ACE: variants seen among roughly 807,000 people sequenced by gnomAD.
ACE encodes the protein angiotensin-converting enzyme.
Under a neutral mutation model 162.3 loss-of-function variants are expected in ACE, and 122 were observed. The observed-to-expected ratio is 0.75, with a 90% CI of 0.65 to 0.87. ACE has a LOEUF of 0.87. ACE is among the 40% of genes least tolerant of loss of function. The pLI, the probability that ACE is intolerant of heterozygous loss-of-function variation, is 0.00. For synonymous variants in ACE, 796 were observed against 720.6 expected, an observed-to-expected ratio of 1.10 and a Z score of -1.68; for missense variants, 1,799 against 1,735.1, an observed-to-expected ratio of 1.04 and a Z score of -0.65.
chr17:63,488,545 T>C (rs2030133280), intron 15 of ACE, 103 bp from the exon 16 acceptor site: 1 of 1,279,792 alleles, frequency 7.8e-7, no homozygotes, highest in African/African-American at 1.5e-5. Context: ...GTCACTTTTA[T>C]GTGGTTTCGC....
rs565463716 is a variant in ACE, at chr17:63,488,706, G to A, written c.2364G>A (p.Glu788=). The A allele has an allele frequency of 4.3e-6, 7 of 1,613,616 alleles. No individual in the cohort carries two copies. In the African/African-American group the frequency reaches 5.3e-5, roughly 12 times the overall value. The change falls in exon 16 of 25, where the codon GAG becomes GAA. Residue 788 remains glutamate (E), a synonymous_variant. Coordinates refer to ENST00000290866, the MANE Select transcript of ACE (RefSeq NM_000789.4). ...RKYEDLLWAW[E]GWRDKAGRAI... is the part of the protein sequence containing the mutation. ...ATGAAGACCTGTTATGGGCATGGGA[G>A]GGCTGGCGAGACAAGGCGGGGAGAG...
intron 3 of ACE, 40 bp from the exon 4 acceptor site, chr17:63,479,729 G>A (rs760162366): frequency 1.8e-5 from 29 of 1,611,406 alleles, no homozygotes; most frequent in East Asian, 4.5e-5. Flanking sequence ...AGACTTCAAC[G>A]TGGAGGCCTC....
At chr17:63,478,601 T>C (rs2049657038) in intron 2 of ACE, 1 of 347,184 alleles carries the variant, frequency 2.9e-6, no homozygotes, top group Non-Finnish European at 5.6e-6. Flanking sequence ...AGGTCAAGGC[T>C]ACAGTGAGCT....
At position 63,482,696 on chromosome 17, in the gene ACE, G is replaced by GAT; in HGVS notation, c.1342+8_1342+9insTA. On this transcript the variant is annotated splice_region_variant and intron_variant, in intron 8 of 24. Coordinates refer to ENST00000290866, the MANE Select transcript of ACE (RefSeq NM_000789.4). ...CGTGTCACCAATGACACGGGTATGG[G>GAT]AGGGCTGAGAGGCCCCCACCCAGCC... 6.2e-7 allele frequency: 1 copy of GAT among 1,612,906 alleles called. No homozygotes were observed. Among genetic ancestry groups the GAT allele is most frequent in the Non-Finnish European group, 8.5e-7 (1 of 1,179,512 alleles).
rs1171932485 is a variant in ACE, at chr17:63,484,383, T to C, written c.1763T>C (p.Met588Thr). ...CCCTGGCAGGAGGTGCTGAAGGACA[T>C]GGTCGGCTTAGATGCCCTGGATGCC... ...SRPWQEVLKD[M>T]VGLDALDAQP... The change falls in exon 12 of 25, where the codon ATG (methionine) becomes ACG (threonine). Residue 588 changes from methionine (M) to threonine (T), a missense_variant. By Grantham distance (81) the Met-to-Thr change is moderately conservative (BLOSUM62 -1). Transcript: ENST00000290866. The surrounding 1 kb of genome is among the most constrained non-coding windows in gnomAD (Gnocchi z 4.0). 3.1e-6 allele frequency: 5 copies of C among 1,611,982 alleles called. No individual in the cohort carries two copies. Among genetic ancestry groups the C allele is most frequent in the Admixed American group, 1.7e-5 (1 of 59,984 alleles).
In ACE at chr17:63,491,643, C is replaced by T. The variant is rs552073202; in HGVS notation, c.2912+262C>T. ...TCAAGGTCCCAGTCCTGGGTTTGAG[C>T]ATGGTAGGCTGCCCCGCGTCCCTCC... On this transcript the variant is annotated intron_variant, in intron 19 of 24. Transcript: ENST00000290866. This position sits in a 1 kb window ranked among gnomAD's most constrained non-coding sequence, Gnocchi z 4.4. Among the ~76,000 whole-genome samples the T allele has an allele frequency of 6.6e-6, 1 of 152,288 alleles. No individual in the cohort carries two copies. Among genetic ancestry groups the T allele is most frequent in the African/African-American group, 2.4e-5 (1 of 41,578 alleles).
chr17:63,481,114 G>A lies in ACE; in HGVS notation c.871G>A (p.Glu291Lys), dbSNP rs1464640594. The change falls in exon 6 of 25, where the codon GAA (glutamate) becomes AAA (lysine). Residue 291 changes from glutamate (E) to lysine (K), a missense_variant. Glu to Lys is a moderately conservative substitution (Grantham distance 56). Coordinates refer to ENST00000290866, the MANE Select transcript of ACE (RefSeq NM_000789.4). ...AGGAGACATGTGGGCCCAGAGCTGGGAAAACATCTACGACATGGTGGTGCC... is the reference window on the plus strand; with the variant it reads ...AGGAGACATGTGGGCCCAGAGCTGGAAAAACATCTACGACATGGTGGTGCC... ...LLGDMWAQSW[E>K]NIYDMVVPFP... 6.2e-7 allele frequency: 1 copy of A among 1,612,070 alleles called. No individual in the cohort carries two copies. Among genetic ancestry groups the A allele is most frequent in the Admixed American group, 1.7e-5 (1 of 59,930 alleles).
At position 63,497,170 on chromosome 17, in the gene ACE, G is replaced by C; in HGVS notation, c.3725G>C (p.Arg1242Pro). The change falls in exon 25 of 25, where the codon CGC (arginine) becomes CCC (proline). Residue 1242 changes from arginine to proline, a missense_variant. Physicochemically the swap from Arg to Pro is moderately radical, Grantham distance 103. Transcript: ENST00000290866. ...RSEGPLPDSG[R>P]VSFLGLDLDA... ...GAAGGGCCCCTCCCAGACAGCGGCC[G>C]CGTCAGCTTCCTGGGCCTGGACCTG... 6.2e-7 allele frequency: 1 copy of C among 1,604,136 alleles called. No homozygotes were observed. Among genetic ancestry groups the C allele is most frequent in the African/African-American group, 1.3e-5 (1 of 74,954 alleles).
In ACE at chr17:63,497,365, G is replaced by A; in HGVS notation, c.3920G>A (p.Ter1307=). ...FGSEVELRHS[*] ...TCCGAGGTGGAGCTGAGACACTCCT[G>A]AGGTGACCCGGCTGGGTCGGCCCTG... The change falls in exon 25 of 25, where the codon TGA becomes TAA. Residue 1307 remains the stop codon, a stop_retained_variant. Transcript: ENST00000290866. 1 of 1,548,310 alleles carries A rather than the reference G, an allele frequency of 6.5e-7. No homozygotes were observed. The highest frequency in any genetic ancestry group is 8.7e-7 in the Non-Finnish European group (1 of 1,146,812).
chr17:63,493,518 T>C lies in ACE; in HGVS notation c.2995T>C (p.Tyr999His). Residue 999 changes from tyrosine (Y) to histidine (H), a missense_variant, in exon 20 of 25, where the codon TAC becomes CAC. Physicochemically the swap from Tyr to His is moderately conservative, Grantham distance 83. Transcript: ENST00000290866. ...GGGCCACATCCAGTATTTCATGCAG[T>C]ACAAAGACTTACCTGTGGCCTTGAG... is the stretch of plus-strand genomic sequence containing the variant. The part of the protein sequence containing the change: ...EMGHIQYFMQ[Y>H]KDLPVALREG... 1 of 1,613,756 alleles carries C rather than the reference T, an allele frequency of 6.2e-7. No homozygotes were observed. Among genetic ancestry groups the C allele is most frequent in the African/African-American group, 1.3e-5 (1 of 74,894 alleles).
chr17:63,477,952 C>T lies in ACE; in HGVS notation c.271C>T (p.Gln91Ter). Residue 91 changes from glutamine (Q) to a stop codon, truncating the protein, a stop_gained, in exon 2 of 25, where the codon CAG (glutamine) becomes TAG (stop). Coordinates refer to ENST00000290866, the MANE Select transcript of ACE (RefSeq NM_000789.4). LOFTEE classifies it high-confidence loss of function. ...RRQEEAALLS[Q>*]EFAEAWGQKA... Reference sequence around the variant, plus strand: ...ATAGGAGGAAGCAGCCCTGCTCAGCCAGGAGTTTGCGGAGGCCTGGGGCCA... The same window carrying T: ...ATAGGAGGAAGCAGCCCTGCTCAGCTAGGAGTTTGCGGAGGCCTGGGGCCA... The T allele has an allele frequency of 6.2e-7, 1 of 1,611,914 alleles. No homozygotes were observed.
At chr17:63,481,427 G>A in intron 6 of ACE, 139 bp from the exon 7 acceptor site, 1 of 986,862 alleles carries the variant, frequency 1.0e-6, no homozygotes, top group Non-Finnish European at 1.5e-6. Flanking sequence ...GGGAGTGAGG[G>A]CCCTGCCTCT....
chr17:63,493,723 T>C (rs944616006), intron 20 of ACE, 64 bp downstream of exon 20: 17 of 1,578,616 alleles, frequency 1.1e-5, no homozygotes, highest in Non-Finnish European at 1.3e-5. Flanking sequence ...GCTTGGGAGG[T>C]GGGAAAGGGG....
intron 14 of ACE, 78 bp downstream of exon 14, chr17:63,486,793 G>T: frequency 6.3e-7 from 1 of 1,577,718 alleles, no homozygotes; most frequent in South Asian, 1.1e-5. Flanking sequence ...TGGCCTTCAC[G>T]CTGCTTCCTC....
At position 63,496,385 on chromosome 17, in the gene ACE, C is replaced by G. The variant is rs751503566; in HGVS notation, c.3381-9C>G. On this transcript the variant is annotated splice_polypyrimidine_tract_variant and intron_variant, in intron 22 of 24. Coordinates refer to ENST00000290866, the MANE Select transcript of ACE (RefSeq NM_000789.4). The stretch of plus-strand genomic sequence containing the variant: ...CTCCGCCCCGGGCCACGGCCTCGCT[C>G]TGCTCCAGGTACTTTGTCAGCTTCA... 1.2e-6 allele frequency: 2 copies of G among 1,614,138 alleles called. No individual in the cohort carries two copies. The highest frequency in any genetic ancestry group is 1.7e-6 in the Non-Finnish European group (2 of 1,180,022).
In ACE at chr17:63,480,410, C is replaced by A. The variant is rs773705008; in HGVS notation, c.729C>A (p.Leu243=). 8.7e-6 allele frequency: 14 copies of A among 1,614,052 alleles called. No homozygotes were observed. In the Admixed American group the frequency reaches 2.3e-4, roughly 27 times the overall value. ...CCTTCGAGGACGATCTGGAACACCT[C>A]TACCAACAGCTAGAGCCCCTCTACC... ...SPTFEDDLEH[L]YQQLEPLYLN... Residue 243 remains leucine, a synonymous_variant, in exon 5 of 25, where the codon CTC becomes CTA. Transcript: ENST00000290866.
At position 63,477,400 on chromosome 17, in the gene ACE, C is replaced by A. The variant is rs545751216; in HGVS notation, c.249+57C>A. On this transcript the variant is annotated intron_variant, in intron 1 of 24. Transcript: ENST00000290866. ...GGGGCCGCGGCGGCCAATCACAGCA[C>A]GCGGCCGGCTTGTGGGGCGGGCAGG... 6.0e-6 allele frequency: 7 copies of A among 1,176,248 alleles called. No homozygotes were observed. The East Asian group carries it at 2.3e-4, about 38-fold the overall frequency. 72.9% of individuals were successfully genotyped at this position (1,176,248 alleles called of 1,614,324 possible). A position where few individuals can be genotyped will look rare whatever the true frequency, so the allele number is the denominator to read the frequency against.
At position 63,487,088 on chromosome 17, in the gene ACE, G is replaced by A. The variant is rs762651061; in HGVS notation, c.2305+15G>A. On this transcript the variant is annotated intron_variant, in intron 15 of 24. Coordinates refer to ENST00000290866, the MANE Select transcript of ACE (RefSeq NM_000789.4). ...GCTCGAGCCAGGTGAGAGCTCATGT[G>A]CAGGCTGAGTGAGAGGCGAGGGCTG... 1 of 1,612,016 alleles carries A rather than the reference G, an allele frequency of 6.2e-7. No individual in the cohort carries two copies. The highest frequency in any genetic ancestry group is 1.1e-5 in the South Asian group (1 of 91,064).
Position 63,496,402 on chromosome 17 carries a change from T to TAC in ACE, c.3389_3390insAC (p.Ser1131ProfsTer42), listed in dbSNP as rs775933853. On this transcript the variant is annotated frameshift_variant, in exon 23 of 25. Transcript: ENST00000290866. LOFTEE classifies it high-confidence loss of function. ...GCCTCGCTCTGCTCCAGGTACTTTG[T>TAC]CAGCTTCATCATCCAGTTCCAGTTC... The TAC allele has an allele frequency of 7.4e-6, 12 of 1,614,182 alleles. No individual in the cohort carries two copies. The South Asian group carries it at 1.1e-4, about 15-fold the overall frequency.
Sources: allele counts gnomAD v4.1 joint callset (sites outside exome capture counted in the v4.1 genomes callset), GRCh38; gene constraint gnomAD v4.1.1; non-coding constraint Gnocchi (gnomAD v3.1); transcripts MANE v1.5; gene names NCBI Gene and HGNC (gene_info 2026-07-23, HGNC 2026-07-21).